UBN1: variants seen among roughly 807,000 people sequenced by gnomAD.
The protein encoded by UBN1 is ubinuclein 1, also known as ubinuclein-1.
Under a neutral mutation model 108.5 loss-of-function variants are expected in UBN1, and 17 were observed. That is an observed-to-expected ratio of 0.16 (90% confidence interval 0.11 to 0.24). UBN1 has a LOEUF of 0.24. Among genes scored for constraint, UBN1 ranks in the 10% least tolerant of loss-of-function variants. The probability of loss-of-function intolerance (pLI) is 1.00; values close to 1 mark genes in which losing one functional copy is unlikely to be tolerated. For synonymous variants in UBN1, 726 were observed against 564.2 expected, an observed-to-expected ratio of 1.29 and a Z score of -4.07; for missense variants, 1,595 against 1,394.4, an observed-to-expected ratio of 1.14 and a Z score of -2.29.
chr16:4,861,710 G>C (rs1177586918), intron 7 of UBN1, among the ~76,000 whole-genome samples: 1 of 152,246 alleles, frequency 6.6e-6, no homozygotes, highest in Non-Finnish European at 1.5e-5. Flanking sequence ...GGGAGGCCGA[G>C]GTGGGCGGAT....
Position 4,877,429 on chromosome 16 carries a change from C to G in UBN1, c.3310C>G (p.Leu1104Val), listed in dbSNP as rs1395561100. The change falls in exon 17 of 18, where the codon CTC (leucine) becomes GTC (valine). Residue 1104 changes from leucine to valine, a missense_variant. Leu to Val is a conservative substitution (Grantham distance 32, BLOSUM62 1). Transcript: ENST00000262376. This position sits in a 1 kb window ranked among gnomAD's most constrained non-coding sequence, Gnocchi z 4.3. Reference protein sequence around the residue: ...LHSSPPHAAPLPHAAVPTHIP... With the variant: ...LHSSPPHAAPVPHAAVPTHIP... ...CTCCAGCCCGCCCCATGCAGCGCCTCTCCCACACGCTGCGGTGCCCACCCA... is the reference window on the plus strand; with the variant it reads ...CTCCAGCCCGCCCCATGCAGCGCCTGTCCCACACGCTGCGGTGCCCACCCA... 1 of 1,612,718 alleles carries G rather than the reference C, an allele frequency of 6.2e-7. No homozygotes were observed. The highest frequency in any genetic ancestry group is 1.7e-5 in the Admixed American group (1 of 59,968).
Position 4,850,302 on chromosome 16 carries a change from GT to G in UBN1, c.-40+2096del, listed in dbSNP as rs541491068. 3.9e-3 allele frequency among the ~76,000 whole-genome samples: 597 copies of G among 152,308 alleles called. 2 individuals carry two copies. The highest frequency in any genetic ancestry group is 6.1e-3 in the Non-Finnish European group (416 of 68,020). Reference sequence around the variant, plus strand: ...GTCACTTAAGCAACTGAAAGGAGCAGTTTTGCCATCTAGGATTGAAGCTGCA... The same window carrying G: ...GTCACTTAAGCAACTGAAAGGAGCAGTTTGCCATCTAGGATTGAAGCTGCA... On this transcript the variant is annotated intron_variant, in intron 1 of 17. Transcript: ENST00000262376.
At chr16:4,857,538 G>C (rs1401568724) in intron 2 of UBN1, among the ~76,000 whole-genome samples, 1 of 151,928 alleles carries the variant, frequency 6.6e-6, no homozygotes, top group Non-Finnish European at 1.5e-5. Context: ...CAGTATGGCA[G>C]AACGGCTCTC....
intron 1 of UBN1, among the ~76,000 whole-genome samples, chr16:4,851,501 A>G (rs1214826977): frequency 1.3e-5 from 2 of 152,156 alleles, no homozygotes; most frequent in Non-Finnish European, 2.9e-5. Flanking sequence ...CTGGTTGGAG[A>G]CGAACATTCT....
Position 4,847,509 on chromosome 16 carries a change from A to G in UBN1, c.-741A>G. ...TCCTTCCCCCTCCCTTCGGCTCGTGACAACGAAGCGCCCGCGGTCTGAGGC... is the reference window on the plus strand; with the variant it reads ...TCCTTCCCCCTCCCTTCGGCTCGTGGCAACGAAGCGCCCGCGGTCTGAGGC... On this transcript the variant is annotated 5_prime_UTR_variant, in exon 1 of 18. Transcript: ENST00000262376. 1.9e-6 allele frequency: 1 copy of G among 522,996 alleles called. No homozygotes were observed. The highest frequency in any genetic ancestry group is 3.3e-6 in the Non-Finnish European group (1 of 305,592). 32.4% of individuals were successfully genotyped at this position (522,996 alleles called of 1,614,324 possible).
At chr16:4,856,334 C>T (rs552914836) in intron 2 of UBN1, among the ~76,000 whole-genome samples, 49 of 152,326 alleles carry the variant, frequency 3.2e-4, no homozygotes, top group Non-Finnish European at 5.9e-4. Flanking sequence ...ACTCCTAAAT[C>T]GTCGTGGGTC....
chr16:4,852,934 G>C lies in UBN1; in HGVS notation c.17G>C (p.Arg6Thr), dbSNP rs773251236. ...TTGGTAGCCATGTCGGAGCCCCACA[G>C]GGTCCAGTTCACCTCTCTCCCAGGT... MSEPH[R>T]VQFTSLPGSL... Residue 6 changes from arginine to threonine, a missense_variant, in exon 2 of 18, where the codon AGG becomes ACG. Coordinates refer to ENST00000262376, the MANE Select transcript of UBN1 (RefSeq NM_001079514.3). 1.2e-6 allele frequency: 2 copies of C among 1,614,044 alleles called. No homozygotes were observed. Among genetic ancestry groups the C allele is most frequent in the Non-Finnish European group, 8.5e-7 (1 of 1,179,956 alleles).
chr16:4,869,912 T>G (rs1195691558), intron 8 of UBN1, among the ~76,000 whole-genome samples: 1 of 152,204 alleles, frequency 6.6e-6, no homozygotes, highest in Non-Finnish European at 1.5e-5. Context: ...TTGAAAGCTT[T>G]CATGTTTTCT....
intron 2 of UBN1, among the ~76,000 whole-genome samples, chr16:4,855,246 T>C (rs1038784035): frequency 1.3e-5 from 2 of 152,186 alleles, no homozygotes; most frequent in Admixed American, 6.5e-5. Context: ...GATCAGTCGG[T>C]CTTATTCACA....
chr16:4,858,479 CTT>C, intron 3 of UBN1, 87 bp from the exon 4 acceptor site: 3 of 1,201,846 alleles, frequency 2.5e-6, no homozygotes, highest in Non-Finnish European at 2.4e-6. Context: ...TGCATTACCT[CTT>C]TGAGTCATAG....
intron 1 of UBN1, chr16:4,848,452 G>C (rs1163661462): frequency 6.6e-6 from 1 of 152,228 alleles, no homozygotes; most frequent in Non-Finnish European, 1.5e-5. Context: ...CAGTGTTAAG[G>C]ATTGACTTAG....
chr16:4,870,377 G>A, intron 9 of UBN1, 36 bp downstream of exon 9: 1 of 1,612,620 alleles, frequency 6.2e-7, no homozygotes, highest in Non-Finnish European at 8.5e-7. Context: ...TTGGCTTTGG[G>A]GTCCTGGCGG....
At position 4,870,605 on chromosome 16, in the gene UBN1, C is replaced by G; in HGVS notation, c.1401C>G (p.Cys467Trp). Residue 467 changes from cysteine (C) to tryptophan (W), a missense_variant, in exon 10 of 18, where the codon TGC becomes TGG. Physicochemically the swap from Cys to Trp is radical, Grantham distance 215. This residue lies in a region of UBN1 where 1,398 missense variants were observed against 1,194.7 expected (regional missense o/e 1.17). Coordinates refer to ENST00000262376, the MANE Select transcript of UBN1 (RefSeq NM_001079514.3). ...AGATGGCCAAGTACCAGGACGAATG[C>G]CAGGCACACACGCAGGCAAAGGTTG... ...PEQMAKYQDE[C>W]QAHTQAKVAK... is the part of the protein sequence containing the mutation. The G allele has an allele frequency of 1.2e-6, 2 of 1,614,196 alleles. No homozygotes were observed. Among genetic ancestry groups the G allele is most frequent in the Non-Finnish European group, 1.7e-6 (2 of 1,180,036 alleles).
chr16:4,876,186 C>G (rs1046743382), intron 15 of UBN1, among the ~76,000 whole-genome samples: 1 of 152,072 alleles, frequency 6.6e-6, no homozygotes, highest in East Asian at 1.9e-4. Context: ...TCTCGATCTC[C>G]TGACCTCGTG....
rs777334328 is a variant in UBN1, at chr16:4,870,612, C to T, written c.1408C>T (p.His470Tyr). 1.2e-6 allele frequency: 2 copies of T among 1,614,174 alleles called. No homozygotes were observed. The highest frequency in any genetic ancestry group is 2.2e-5 in the East Asian group (1 of 44,862). Residue 470 changes from histidine to tyrosine, a missense_variant, in exon 10 of 18, where the codon CAC becomes TAC. Physicochemically the swap from His to Tyr is moderately conservative, Grantham distance 83. This residue lies in a region of UBN1 where 1,398 missense variants were observed against 1,194.7 expected (regional missense o/e 1.17). Coordinates refer to ENST00000262376, the MANE Select transcript of UBN1 (RefSeq NM_001079514.3). ...CAAGTACCAGGACGAATGCCAGGCA[C>T]ACACGCAGGCAAAGGTTGCCAAGTA... The part of the protein sequence containing the change: ...MAKYQDECQA[H>Y]TQAKVAKMLE...
Position 4,877,346 on chromosome 16 carries a change from G to C in UBN1, c.3266-39G>C, listed in dbSNP as rs750743323. On this transcript the variant is annotated intron_variant, in intron 16 of 17. Coordinates refer to ENST00000262376, the MANE Select transcript of UBN1 (RefSeq NM_001079514.3). The surrounding 1 kb of genome is among the most constrained non-coding windows in gnomAD (Gnocchi z 4.3). ...GCTTTCCTGTTCCTGTCTTCAATGTGTGTGTTTTGTTCTTTTCTCCCCTCC... is the reference window on the plus strand; with the variant it reads ...GCTTTCCTGTTCCTGTCTTCAATGTCTGTGTTTTGTTCTTTTCTCCCCTCC... 7 of 1,591,048 alleles carry C rather than the reference G, an allele frequency of 4.4e-6. No individual in the cohort carries two copies. The highest frequency in any genetic ancestry group is 6.0e-6 in the Non-Finnish European group (7 of 1,166,572).
rs751934044 is a variant in UBN1 at position 4,853,161 on chromosome 16, G to C, written c.244G>C (p.Asp82His). ...GAAGGTAAAAGGCCTTCAGCCTGGA[G>C]ATAAGGTACACCCCTTTGTTCCCAG... ...RGKVKGLQPG[D>H]KKKDLSDPFN... The change falls in exon 2 of 18, where the codon GAT becomes CAT. Residue 82 changes from aspartate to histidine, a missense_variant. Physicochemically the swap from Asp to His is moderately conservative, Grantham distance 81 (BLOSUM62 -1). Around this residue, in one of 3 missense-constraint regions of UBN1, gnomAD observed 181 missense variants for 157.3 expected, o/e 1.15. Coordinates refer to ENST00000262376, the MANE Select transcript of UBN1 (RefSeq NM_001079514.3). The C allele has an allele frequency of 5.0e-6, 8 of 1,614,110 alleles. No homozygotes were observed. Among genetic ancestry groups the C allele is most frequent in the Non-Finnish European group, 6.8e-6 (8 of 1,180,024 alleles).
intron 1 of UBN1, among the ~76,000 whole-genome samples, chr16:4,849,797 A>C (rs1463398787): frequency 6.6e-6 from 1 of 151,564 alleles, no homozygotes; most frequent in Non-Finnish European, 1.5e-5. Context: ...AAGTCTCATC[A>C]TGTTGTCCAG....
Position 4,847,492 on chromosome 16 carries a change from C to G in UBN1, c.-758C>G, listed in dbSNP as rs1336991423. ...GCGCAGAGACTCCCGGCTCCTTCCC[C>G]CTCCCTTCGGCTCGTGACAACGAAG... is the stretch of plus-strand genomic sequence containing the variant. On this transcript the variant is annotated 5_prime_UTR_variant, in exon 1 of 18. Coordinates refer to ENST00000262376, the MANE Select transcript of UBN1 (RefSeq NM_001079514.3). 1 of 573,572 alleles carries G rather than the reference C, an allele frequency of 1.7e-6. No individual in the cohort carries two copies. Among genetic ancestry groups the G allele is most frequent in the African/African-American group, 2.0e-5 (1 of 49,790 alleles). 35.5% of individuals were successfully genotyped at this position (573,572 alleles called of 1,614,324 possible).
Sources: allele counts gnomAD v4.1 joint callset (sites outside exome capture counted in the v4.1 genomes callset), GRCh38; gene constraint gnomAD v4.1.1; regional missense constraint gnomAD v4.1.1; non-coding constraint Gnocchi (gnomAD v3.1); transcripts MANE v1.5; gene names NCBI Gene and HGNC (gene_info 2026-07-23, HGNC 2026-07-21).